The following GIT2 variants were observed in gnomAD, a reference collection of about 807,000 sequenced individuals.
The protein encoded by GIT2 is GIT ArfGAP 2, also known as ARF GTPase-activating protein GIT2.
GIT2 carries 32 observed loss-of-function variants against 100.3 expected under a neutral mutation model. The ratio of observed to expected loss-of-function variants is 0.32; its 90% CI spans 0.24 to 0.43. The LOEUF (loss-of-function observed/expected upper bound fraction) is 0.43, where lower values mean the gene tolerates loss of function less well. GIT2 is among the 20% of genes least tolerant of loss of function. The probability of loss-of-function intolerance (pLI) is 1.00; values close to 1 mark genes in which losing one functional copy is unlikely to be tolerated. For missense variants in GIT2, 737 were observed against 975.1 expected (o/e 0.76, Z 3.25); for synonymous variants, 353 against 364.1 (o/e 0.97, Z 0.35).
chr12:109,965,421 T>C (rs1593053682), intron 9 of GIT2, 105 bp downstream of exon 9: 4 of 665,338 alleles, frequency 6.0e-6, no homozygotes, highest in East Asian at 5.4e-5. Flanking sequence ...AATAAAAGTA[T>C]GAAATAAAGT....
In GIT2 at chr12:109,948,643, T is replaced by C; in HGVS notation, c.1393-1139A>G. On this transcript the variant is annotated intron_variant, in intron 14 of 19. Coordinates refer to ENST00000355312, the MANE Select transcript of GIT2 (RefSeq NM_057169.5). This position sits in a 1 kb window ranked among gnomAD's most constrained non-coding sequence, Gnocchi z 4.3. ...TCAGCTGTCTACTCTTTGACAGAGA[T>C]TGTAAAATCTGACCAAATTCCCCAC... 2.1e-6 allele frequency: 3 copies of C among 1,428,190 alleles called. No homozygotes were observed. The highest frequency in any genetic ancestry group is 3.3e-5 in the Admixed American group (1 of 30,528). 88.5% of individuals were successfully genotyped at this position (1,428,190 alleles called of 1,614,324 possible). A position where few individuals can be genotyped will look rare whatever the true frequency, so the allele number is the denominator to read the frequency against.
Position 109,948,205 on chromosome 12 carries a change from T to A in GIT2, c.1393-701A>T. On this transcript the variant is annotated intron_variant, in intron 14 of 19. Transcript: ENST00000355312. This position sits in a 1 kb window ranked among gnomAD's most constrained non-coding sequence, Gnocchi z 4.3. ...ATCACGAAGAAAACTGGAAACCTATTGATCTATGGAATTGACATCTTCGCA... is the reference window on the plus strand; with the variant it reads ...ATCACGAAGAAAACTGGAAACCTATAGATCTATGGAATTGACATCTTCGCA... The A allele has an allele frequency of 1.0e-6, 1 of 984,992 alleles. No individual in the cohort carries two copies. Among genetic ancestry groups the A allele is most frequent in the African/African-American group, 1.7e-5 (1 of 57,366 alleles). The allele number at this position is 984,992 out of a possible 1,614,324, so 61.0% of individuals were successfully genotyped here. A position where few individuals can be genotyped will look rare whatever the true frequency, so the allele number is the denominator to read the frequency against.
At chr12:109,995,450 T>C (rs1246771829) in intron 1 of GIT2, among the ~76,000 whole-genome samples, 4 of 152,132 alleles carry the variant, frequency 2.6e-5, no homozygotes, top group Admixed American at 2.6e-4. Context: ...ATTCTACGAG[T>C]ATTCATTGAA....
rs16939769 is a variant in GIT2, at chr12:109,934,405, G to A, written c.2004-320C>T. Among the ~76,000 whole-genome samples, 5,966 of 152,222 alleles carry A rather than the reference G, an allele frequency of 0.039. 172 individuals carry two copies. The highest frequency in any genetic ancestry group is 0.076 in the South Asian group (369 of 4,824). On this transcript the variant is annotated intron_variant, in intron 18 of 19. Coordinates refer to ENST00000355312, the MANE Select transcript of GIT2 (RefSeq NM_057169.5). The surrounding 1 kb of genome is among the most constrained non-coding windows in gnomAD (Gnocchi z 4.5). ...TCATTTACTTCTCATGTGTTTCATCGTCCCAATTTCTAGAAAGAGAAAGGA... is the reference window on the plus strand; with the variant it reads ...TCATTTACTTCTCATGTGTTTCATCATCCCAATTTCTAGAAAGAGAAAGGA...
At chr12:109,963,836 A>G (rs1359877330) in intron 9 of GIT2, among the ~76,000 whole-genome samples, 1 of 152,154 alleles carries the variant, frequency 6.6e-6, no homozygotes, top group Non-Finnish European at 1.5e-5. Flanking sequence ...GCCCACTCTG[A>G]GCAGTTCTGG....
chr12:109,983,218 G>T, intron 6 of GIT2, 155 bp downstream of exon 6: 1 of 675,046 alleles, frequency 1.5e-6, no homozygotes, highest in East Asian at 2.7e-5. Flanking sequence ...GCCAGGCTGA[G>T]CTTATATGCA....
At chr12:109,940,231 G>A (rs115093098) in intron 16 of GIT2, 82 of 152,326 alleles carry the variant, frequency 5.4e-4, no homozygotes, top group African/African-American at 1.0e-3. Context: ...CTAGGGTGAC[G>A]AAATTTGAAG....
chr12:109,977,605 C>T (rs992601472), intron 7 of GIT2, among the ~76,000 whole-genome samples: 18 of 151,988 alleles, frequency 1.2e-4, no homozygotes, highest in East Asian at 7.8e-4. Flanking sequence ...GGGCGGATCA[C>T]GAGGTCGGGA....
intron 16 of GIT2, chr12:109,940,224 G>C (rs1874286589): frequency 6.6e-6 from 1 of 152,190 alleles, no homozygotes; most frequent in Non-Finnish European, 1.5e-5. Flanking sequence ...CGATCTTCTA[G>C]GGTGACGAAA....
rs1217941798 is a variant in GIT2 at position 109,938,466 on chromosome 12, G to A, written c.1917C>T (p.Ser639=). ...PHVAPSPTLP[S]TEDVIRKTEQ... is the part of the protein sequence containing the mutation. Reference sequence around the variant, plus strand: ...CAGTCTTCCTGATGACATCTTCGGTGCTAGGGAGAGTGGGGCTTGGGGCCA... The same window carrying A: ...CAGTCTTCCTGATGACATCTTCGGTACTAGGGAGAGTGGGGCTTGGGGCCA... The change falls in exon 18 of 20, where the codon AGC becomes AGT. Residue 639 remains serine (S), a synonymous_variant. Coordinates refer to ENST00000355312, the MANE Select transcript of GIT2 (RefSeq NM_057169.5). The A allele has an allele frequency of 1.9e-6, 3 of 1,613,818 alleles. No individual in the cohort carries two copies. In the South Asian group the frequency reaches 3.3e-5, roughly 18 times the overall value.
At chr12:109,968,796 C>T (rs1268023698) in intron 7 of GIT2, among the ~76,000 whole-genome samples, 1 of 150,280 alleles carries the variant, frequency 6.7e-6, no homozygotes, top group Non-Finnish European at 1.5e-5. Flanking sequence ...TCTCGGCTCA[C>T]TGGCAACCTC....
chr12:109,992,438 T>C (rs1417337850), intron 1 of GIT2, among the ~76,000 whole-genome samples: 3 of 152,028 alleles, frequency 2.0e-5, no homozygotes, highest in East Asian at 3.9e-4. Context: ...TGAGCCACTG[T>C]GCCCGGCCAA....
rs1566022058 is a variant in GIT2 at position 109,989,876 on chromosome 12, G to C, written c.187-74C>G. On this transcript the variant is annotated intron_variant, in intron 2 of 19. Transcript: ENST00000355312. ...TTCAATGGGGATCAGTGACTGAACA[G>C]AGTAAACAAAGTCCTGTTATAAACA... 3.3e-5 allele frequency: 26 copies of C among 795,428 alleles called. 2 individuals are homozygous for C. The highest frequency in any genetic ancestry group is 3.4e-4 in the Middle Eastern group (1 of 2,954). The allele number at this position is 795,428 out of a possible 1,614,324, so 49.3% of individuals were successfully genotyped here.
intron 1 of GIT2, among the ~76,000 whole-genome samples, chr12:109,994,862 T>G (rs184597806): frequency 4.7e-4 from 71 of 152,324 alleles, no homozygotes; most frequent in Non-Finnish European, 7.9e-4. Flanking sequence ...ATGGAGTTTG[T>G]ATAACTCACA....
chr12:109,956,322 C>T (rs1319766115), intron 12 of GIT2, among the ~76,000 whole-genome samples: 1 of 152,094 alleles, frequency 6.6e-6, no homozygotes, highest in African/African-American at 2.4e-5. Flanking sequence ...CTCAATTGAT[C>T]CTGGGCGGTA....
chr12:109,967,353 A>C (rs1208490356), intron 8 of GIT2, 105 bp downstream of exon 8: 3 of 1,588,058 alleles, frequency 1.9e-6, no homozygotes, highest in Non-Finnish European at 2.6e-6. Flanking sequence ...TAAAAGAGAA[A>C]AATGTATGGG....
chr12:109,990,194 T>C (rs1007344107), intron 2 of GIT2, among the ~76,000 whole-genome samples: 2 of 152,248 alleles, frequency 1.3e-5, no homozygotes, highest in African/African-American at 4.8e-5. Context: ...CAACTACAGT[T>C]TGATGTGCTA....
chr12:109,982,497 A>G (rs951604647), intron 6 of GIT2: 9 of 152,230 alleles, frequency 5.9e-5, no homozygotes, highest in African/African-American at 1.9e-4. Context: ...ATTGTGCTTC[A>G]CAGTTAATAA....
intron 12 of GIT2, 45 bp from the exon 13 acceptor site, chr12:109,953,279 C>T (rs1457227874): frequency 6.3e-7 from 1 of 1,594,694 alleles, no homozygotes; most frequent in South Asian, 1.1e-5. Context: ...TAAAACATTG[C>T]TTTTCTTCCA....
Sources: gnomAD v4.1 joint callset for allele counts (sites outside exome capture counted in the v4.1 genomes callset) on GRCh38, gnomAD v4.1.1 for gene constraint, Gnocchi (gnomAD v3.1) non-coding constraint, MANE v1.5 for transcripts, NCBI Gene and HGNC (gene_info 2026-07-23, HGNC 2026-07-21) for gene names.